Variants in ESCO1 observed in about 807,000 individuals in gnomAD.
The protein encoded by ESCO1 is establishment of sister chromatid cohesion N-acetyltransferase 1.
ESCO1 carries 33 observed loss-of-function variants against 83.5 expected under a neutral mutation model. That is an observed-to-expected ratio of 0.40 (90% CI 0.30 to 0.53). The LOEUF (loss-of-function observed/expected upper bound fraction) is 0.53, where lower values mean the gene tolerates loss of function less well. Among genes scored for constraint, ESCO1 ranks in the 20% least tolerant of loss-of-function variants. The pLI is 0.63. For missense variants in ESCO1, 855 were observed against 968.0 expected (o/e 0.88, Z 1.55); for synonymous variants, 332 against 324.3 (o/e 1.02, Z -0.25).
At chr18:21,544,034 G>A (rs960688664) in intron 8 of ESCO1, among the ~76,000 whole-genome samples, 1 of 152,190 alleles carries the variant, frequency 6.6e-6, no homozygotes, top group Non-Finnish European at 1.5e-5. Flanking sequence ...AGCACTTTGA[G>A]AGGCTGAGGA....
chr18:21,575,397 C>A lies in ESCO1; in HGVS notation c.-554G>T, dbSNP rs1598471847. The A allele has an allele frequency of 7.5e-6, 3 of 397,904 alleles. No homozygotes were observed. The highest frequency in any genetic ancestry group is 2.1e-5 in the African/African-American group (1 of 48,568). The allele number at this position is 397,904 out of a possible 1,614,324, so 24.6% of individuals were successfully genotyped here. Reference sequence around the variant, plus strand: ...AACCTCCTTTGTTCAACAAAATATTCTATTAATATAGATTTCCTTTTGTGC... The same window carrying A: ...AACCTCCTTTGTTCAACAAAATATTATATTAATATAGATTTCCTTTTGTGC... On this transcript the variant is annotated 5_prime_UTR_variant, in exon 4 of 12. An upstream open reading frame in the 5' UTR gains an earlier in-frame stop. Coordinates refer to ENST00000269214, the MANE Select transcript of ESCO1 (RefSeq NM_052911.3).
intron 11 of ESCO1, among the ~76,000 whole-genome samples, chr18:21,531,239 C>A (rs1312243941): frequency 6.6e-6 from 1 of 150,538 alleles, no homozygotes; most frequent in Non-Finnish European, 1.5e-5. Context: ...CCCAAGAGTT[C>A]AAGGCCAGCC....
intron 8 of ESCO1, among the ~76,000 whole-genome samples, chr18:21,556,788 C>T (rs989574984): frequency 2.0e-5 from 3 of 152,100 alleles, no homozygotes; most frequent in African/African-American, 7.2e-5. Flanking sequence ...GCAACCTCCG[C>T]CTCCCAGGCT....
chr18:21,548,886 G>C (rs764072087), intron 8 of ESCO1, among the ~76,000 whole-genome samples: 16 of 151,296 alleles, frequency 1.1e-4, no homozygotes, highest in Non-Finnish European at 1.6e-4. Flanking sequence ...GCAACAGTGA[G>C]CTCATCGCAC....
Position 21,566,085 on chromosome 18 carries a change from C to T in ESCO1, c.1706+61G>A, listed in dbSNP as rs562573967. The T allele has an allele frequency of 6.7e-5, 99 of 1,482,342 alleles. 2 individuals are homozygous for T. Among genetic ancestry groups the T allele is most frequent in the East Asian group, 6.4e-4 (28 of 43,952 alleles). 91.8% of individuals were successfully genotyped at this position (1,482,342 alleles called of 1,614,324 possible). On this transcript the variant is annotated intron_variant, in intron 6 of 11. Coordinates refer to ENST00000269214, the MANE Select transcript of ESCO1 (RefSeq NM_052911.3). ...TAGCATAACTTTTTAGGGAAGAATC[C>T]CCTAAACTCAAAACTTGTAAGTTAA...
chr18:21,537,187 A>AC (rs2037848293), intron 9 of ESCO1, among the ~76,000 whole-genome samples: 1 of 152,214 alleles, frequency 6.6e-6, no homozygotes, highest in Non-Finnish European at 1.5e-5. Flanking sequence ...GTAAGCTCAA[A>AC]CTGTTTGCAG....
Position 21,532,505 on chromosome 18 carries a change from C to T in ESCO1, c.2343G>A (p.Lys781=). 6.2e-7 allele frequency: 1 copy of T among 1,613,186 alleles called. No homozygotes were observed. Among genetic ancestry groups the T allele is most frequent in the Non-Finnish European group, 8.5e-7 (1 of 1,179,334 alleles). ...RIWVFSMMRR[K]KIASRMIECL... ...ATTCAATCATGCGAGAAGCAATTTT[C>T]TTCCGACGCATCATGCTGAATACCC... Residue 781 remains lysine (K), a synonymous_variant, in exon 11 of 12, where the codon AAG becomes AAA. Transcript: ENST00000269214.
At chr18:21,590,060 C>G (rs1172345773) in intron 1 of ESCO1, among the ~76,000 whole-genome samples, 1 of 151,838 alleles carries the variant, frequency 6.6e-6, no homozygotes, top group African/African-American at 2.4e-5. Flanking sequence ...ATCTCCTGAC[C>G]TCGTGATCCA....
chr18:21,573,562 C>T lies in ESCO1; in HGVS notation c.1282G>A (p.Glu428Lys). The T allele has an allele frequency of 6.2e-7, 1 of 1,614,086 alleles. No homozygotes were observed. Among genetic ancestry groups the T allele is most frequent in the Non-Finnish European group, 8.5e-7 (1 of 1,180,014 alleles). Residue 428 changes from glutamate to lysine, a missense_variant, in exon 4 of 12, where the codon GAA becomes AAA. By Grantham distance (56) the Glu-to-Lys change is moderately conservative. Around this residue, in one of 2 missense-constraint regions of ESCO1, gnomAD observed 726 missense variants for 699.5 expected, o/e 1.04. Coordinates refer to ENST00000269214, the MANE Select transcript of ESCO1 (RefSeq NM_052911.3). ...CTTTGAGTCACTGGATGATGCATTTCTAAAGCTGGTGGTGAAAAACTGGTT... is the reference window on the plus strand; with the variant it reads ...CTTTGAGTCACTGGATGATGCATTTTTAAAGCTGGTGGTGAAAAACTGGTT... The part of the protein sequence containing the change: ...LRTSFSPPAL[E>K]MHHPVTQSTF...
At position 21,540,352 on chromosome 18, in the gene ESCO1, C is replaced by T. The variant is rs577666812; in HGVS notation, c.1954-343G>A. Among the ~76,000 whole-genome samples, 46 of 152,152 alleles carry T rather than the reference C, an allele frequency of 3.0e-4. 1 individual carries two copies. The highest frequency in any genetic ancestry group is 5.1e-4 in the Non-Finnish European group (35 of 68,022). ...AGTCAGTAATTCCCAGAAACTATAA[C>T]TCTCCCAGATTCTTGATAAAAGAAT... is the stretch of plus-strand genomic sequence containing the variant. On this transcript the variant is annotated intron_variant, in intron 8 of 11. Transcript: ENST00000269214.
At chr18:21,552,396 G>A (rs2038057204) in intron 8 of ESCO1, among the ~76,000 whole-genome samples, 1 of 152,194 alleles carries the variant, frequency 6.6e-6, no homozygotes, top group Non-Finnish European at 1.5e-5. Flanking sequence ...TCTTGTGACA[G>A]TGAGTTCTCA....
chr18:21,537,445 G>A (rs937318012), intron 9 of ESCO1, among the ~76,000 whole-genome samples: 2 of 152,156 alleles, frequency 1.3e-5, no homozygotes, highest in Non-Finnish European at 2.9e-5. Context: ...TGGGGCAGGA[G>A]GGTCACTTGG....
intron 8 of ESCO1, among the ~76,000 whole-genome samples, chr18:21,559,959 A>T (rs893746845): frequency 2.4e-4 from 37 of 152,158 alleles, no homozygotes; most frequent in African/African-American, 8.4e-4. Context: ...AACCGAAGGT[A>T]AGTATTAATA....
chr18:21,595,885 A>G (rs1050379260), intron 1 of ESCO1, among the ~76,000 whole-genome samples: 30 of 151,838 alleles, frequency 2.0e-4, no homozygotes, highest in Non-Finnish European at 3.7e-4. Flanking sequence ...AATGGCATGA[A>G]CCCAGGAGGC....
chr18:21,567,519 TTTGGACAATTTGCAAA>T (rs1328130952), intron 5 of ESCO1, among the ~76,000 whole-genome samples: 1 of 152,042 alleles, frequency 6.6e-6, no homozygotes, highest in African/African-American at 2.4e-5. Context: ...AACTAAAGCT[TTTGGACAATTTGCAAA>T]GTGGACAATT....
intron 1 of ESCO1, among the ~76,000 whole-genome samples, chr18:21,594,635 C>T (rs541611503): frequency 9.1e-4 from 138 of 151,112 alleles, no homozygotes; most frequent in Admixed American, 1.6e-3. Flanking sequence ...ACCCAGGAGG[C>T]GGAGCTTGCA....
Position 21,530,251 on chromosome 18 carries a change from G to T in ESCO1, c.*92C>A, listed in dbSNP as rs2037749463. On this transcript the variant is annotated 3_prime_UTR_variant, in exon 12 of 12. Transcript: ENST00000269214. ...GGTTGTTGCCAGTCCTGAGTTCATT[G>T]TAATAAAAATGGCCCTAGTTCCTGG... The T allele has an allele frequency of 1.8e-6, 2 of 1,142,176 alleles. No individual in the cohort carries two copies. Among genetic ancestry groups the T allele is most frequent in the Admixed American group, 2.9e-5 (1 of 34,990 alleles). 70.8% of individuals were successfully genotyped at this position (1,142,176 alleles called of 1,614,324 possible).
In ESCO1 at chr18:21,575,032, C is replaced by T. The variant is rs114211664; in HGVS notation, c.-189G>A. ...AGTAAGGTTTCTGTCATTCCTAGAACATGAGAAAAGCTGGCATGAATGCTA... is the reference window on the plus strand; with the variant it reads ...AGTAAGGTTTCTGTCATTCCTAGAATATGAGAAAAGCTGGCATGAATGCTA... On this transcript the variant is annotated 5_prime_UTR_variant, in exon 4 of 12. It removes an upstream start codon present in the reference 5' UTR. Transcript: ENST00000269214. The T allele has an allele frequency of 1.2e-3, 530 of 454,308 alleles. 1 individual carries two copies. Among genetic ancestry groups the T allele is most frequent in the African/African-American group, 9.5e-3 (466 of 49,300 alleles). The allele number at this position is 454,308 out of a possible 1,614,324, so 28.1% of individuals were successfully genotyped here.
At position 21,564,301 on chromosome 18, in the gene ESCO1, G is replaced by T; in HGVS notation, c.1723C>A (p.His575Asn). ...SSDNRETPRN[H>N]SLPKCNSHLE... is the part of the protein sequence containing the mutation. Reference sequence around the variant, plus strand: ...TGGGAATTACACTTAGGCAAAGAATGATTTCGTGGTGTCTCCCTTAAAAAA... The same window carrying T: ...TGGGAATTACACTTAGGCAAAGAATTATTTCGTGGTGTCTCCCTTAAAAAA... Residue 575 changes from histidine to asparagine, a missense_variant, in exon 7 of 12, where the codon CAT becomes AAT. This residue lies in a region of ESCO1 where 726 missense variants were observed against 699.5 expected (regional missense o/e 1.04). Transcript: ENST00000269214. 1 of 1,607,530 alleles carries T rather than the reference G, an allele frequency of 6.2e-7. No individual in the cohort carries two copies. Among genetic ancestry groups the T allele is most frequent in the Non-Finnish European group, 8.5e-7 (1 of 1,176,882 alleles).
Sources: allele counts gnomAD v4.1 joint callset (sites outside exome capture counted in the v4.1 genomes callset), GRCh38; gene constraint gnomAD v4.1.1; regional missense constraint gnomAD v4.1.1; transcripts MANE v1.5; gene names NCBI Gene and HGNC (gene_info 2026-07-23, HGNC 2026-07-21).